CPXM2: variants seen among roughly 807,000 people sequenced by gnomAD.
CPXM2 encodes the protein carboxypeptidase X, M14 family member 2.
CPXM2 carries 66 observed loss-of-function variants against 86.1 expected under a neutral mutation model. The observed-to-expected ratio is 0.77, with a 90% CI of 0.63 to 0.94. The LOEUF is 0.94. CPXM2 is among the 40% of genes least tolerant of loss of function. The pLI, the probability that CPXM2 is intolerant of heterozygous loss-of-function variation, is 0.00. For missense variants in CPXM2, 948 were observed against 1,026.3 expected (o/e 0.92, Z 1.04); for synonymous variants, 388 against 400.2 (o/e 0.97, Z 0.36).
Position 123,746,772 on chromosome 10 carries a change from G to A in CPXM2, c.2263C>T (p.Arg755Cys), listed in dbSNP as rs756593635. 101 of 1,614,076 alleles carry A rather than the reference G, an allele frequency of 6.3e-5. No homozygotes were observed. In the East Asian group the frequency reaches 2.0e-3, roughly 32 times the overall value. ...LKLRGQKRRQ[R>C]G ...TCAAGGGCCCAGGAGGGTCACCCAC[G>A]CTGTCGTCTCTTCTGCCCCCGCAGC... The change falls in exon 14 of 14, where the codon CGT becomes TGT. Residue 755 changes from arginine (R) to cysteine (C), a missense_variant. Coordinates refer to ENST00000241305, the MANE Select transcript of CPXM2 (RefSeq NM_198148.3).
At position 123,808,359 on chromosome 10, in the gene CPXM2, A is replaced by C. The variant is rs1007485471; in HGVS notation, c.654-9160T>G. Among the ~76,000 whole-genome samples the C allele has an allele frequency of 2.0e-4, 30 of 150,292 alleles. 1 individual carries two copies. Among genetic ancestry groups the C allele is most frequent in the African/African-American group, 4.2e-4 (17 of 40,262 alleles). The stretch of plus-strand genomic sequence containing the variant: ...AGAAACTCTCCAATTGGGCAAACAA[A>C]AACAACAACAACAACAACAACAACA... On this transcript the variant is annotated intron_variant, in intron 4 of 13. Coordinates refer to ENST00000241305, the MANE Select transcript of CPXM2 (RefSeq NM_198148.3).
chr10:123,834,657 A>G (rs1252953000), intron 4 of CPXM2, among the ~76,000 whole-genome samples: 1 of 152,208 alleles, frequency 6.6e-6, no homozygotes, highest in African/African-American at 2.4e-5. Flanking sequence ...GCCAGTCTCC[A>G]TAGGCCCTTG....
chr10:123,804,987 G>A (rs1046750195), intron 4 of CPXM2, among the ~76,000 whole-genome samples: 4 of 152,198 alleles, frequency 2.6e-5, no homozygotes, highest in South Asian at 2.1e-4. Context: ...CAAGTTCTAC[G>A]TGGATGTGGC....
At chr10:123,789,005 C>G (rs990008563) in intron 6 of CPXM2, among the ~76,000 whole-genome samples, 2 of 152,074 alleles carry the variant, frequency 1.3e-5, no homozygotes, top group Non-Finnish European at 2.9e-5. Flanking sequence ...ACCCAAGGAG[C>G]AGCTGCCATT....
At chr10:123,766,844 G>T in intron 10 of CPXM2, 129 bp downstream of exon 10, 1 of 710,518 alleles carries the variant, frequency 1.4e-6, no homozygotes, top group Non-Finnish European at 2.4e-6. Flanking sequence ...ATACTTCTCT[G>T]CTTTTGGAGA....
chr10:123,841,236 C>T (rs1848379397), intron 4 of CPXM2, among the ~76,000 whole-genome samples: 1 of 152,204 alleles, frequency 6.6e-6, no homozygotes, highest in East Asian at 1.9e-4. Flanking sequence ...GACCACCGTC[C>T]ACATGGCTGG....
At chr10:123,806,994 G>A (rs536589953) in intron 4 of CPXM2, among the ~76,000 whole-genome samples, 19 of 152,270 alleles carry the variant, frequency 1.2e-4, no homozygotes, top group African/African-American at 3.1e-4. Context: ...TGATAGCAGC[G>A]TGTCTACTGA....
At chr10:123,805,077 A>G (rs996711754) in intron 4 of CPXM2, among the ~76,000 whole-genome samples, 7 of 151,976 alleles carry the variant, frequency 4.6e-5, no homozygotes, top group Non-Finnish European at 7.4e-5. Flanking sequence ...TTCATTCTTC[A>G]TATTGTCTCA....
At chr10:123,852,271 T>G (rs1264270200) in intron 3 of CPXM2, among the ~76,000 whole-genome samples, 1 of 152,166 alleles carries the variant, frequency 6.6e-6, no homozygotes, top group Non-Finnish European at 1.5e-5. Context: ...CATCTCCCCA[T>G]TAGATTACTA....
intron 2 of CPXM2, among the ~76,000 whole-genome samples, chr10:123,902,536 A>G (rs1564818393): frequency 6.6e-6 from 1 of 152,202 alleles, no homozygotes; most frequent in African/African-American, 2.4e-5. Context: ...ACAGTTCCGG[A>G]GGCTGGAAGT....
intron 1 of CPXM2, among the ~76,000 whole-genome samples, chr10:123,881,827 T>G (rs994583089): frequency 2.0e-5 from 3 of 152,214 alleles, no homozygotes; most frequent in Non-Finnish European, 4.4e-5. Flanking sequence ...CAATGGGACA[T>G]GTCTGTTGAT....
At chr10:123,850,849 G>A (rs1371026316) in intron 3 of CPXM2, among the ~76,000 whole-genome samples, 1 of 152,142 alleles carries the variant, frequency 6.6e-6, no homozygotes, top group Non-Finnish European at 1.5e-5. Flanking sequence ...AAGAGCATTT[G>A]GTACTATCCA....
intron 3 of CPXM2, among the ~76,000 whole-genome samples, chr10:123,855,419 G>A (rs1848699363): frequency 6.6e-6 from 1 of 152,186 alleles, no homozygotes. Flanking sequence ...TAGGCTTAGG[G>A]TCAAAGACAC....
chr10:123,935,374 G>A (rs1945705638), intron 2 of CPXM2, among the ~76,000 whole-genome samples: 1 of 152,090 alleles, frequency 6.6e-6, no homozygotes, highest in Non-Finnish European at 1.5e-5. Flanking sequence ...AAAGGCAATT[G>A]GGGAACCCAC....
At chr10:123,748,961 G>A (rs534201783) in intron 13 of CPXM2, among the ~76,000 whole-genome samples, 1 of 152,276 alleles carries the variant, frequency 6.6e-6, no homozygotes, top group African/African-American at 2.4e-5. Context: ...GGCGCCTGAA[G>A]AGCCCGTGTT....
chr10:123,757,114 A>G (rs1308738532), intron 12 of CPXM2, 99 bp downstream of exon 12: 5 of 1,138,652 alleles, frequency 4.4e-6, no homozygotes, highest in Non-Finnish European at 6.5e-6. Context: ...GATGACGGCC[A>G]AGGTCTGAAG....
At position 123,747,004 on chromosome 10, in the gene CPXM2, AT is replaced by A. The variant is rs776124127; in HGVS notation, c.2030del (p.Asp677ValfsTer6). 6.2e-6 allele frequency: 10 copies of A among 1,613,910 alleles called. No individual in the cohort carries two copies. The South Asian group carries it at 9.9e-5, about 16-fold the overall frequency. On this transcript the variant is annotated frameshift_variant, in exon 14 of 14. Coordinates refer to ENST00000241305, the MANE Select transcript of CPXM2 (RefSeq NM_198148.3). LOFTEE classifies it high-confidence loss of function. ...CTCCAGGGTTCAGGAGGCGCCAGTA[AT>A]CCCCATCGTTGGCTGTGAAAAAGAA... ...NHDIRTANDG[D>X]YWRLLNPGEY...
At chr10:123,785,060 A>G (rs915075127) in intron 6 of CPXM2, among the ~76,000 whole-genome samples, 1 of 152,198 alleles carries the variant, frequency 6.6e-6, no homozygotes, top group Admixed American at 6.5e-5. Context: ...AAATTCTGTA[A>G]TGAGGCTCTT....
intron 2 of CPXM2, chr10:123,913,463 G>C (rs1291672512): frequency 6.5e-6 from 1 of 153,066 alleles, no homozygotes; most frequent in African/African-American, 2.4e-5. Flanking sequence ...TATTGCATAA[G>C]TGTGTTTATG....
Sources: allele counts gnomAD v4.1 joint callset (sites outside exome capture counted in the v4.1 genomes callset), GRCh38; gene constraint gnomAD v4.1.1; transcripts MANE v1.5; gene names NCBI Gene and HGNC (gene_info 2026-07-23, HGNC 2026-07-21).